Variants in DMD observed in about 807,000 individuals in gnomAD.
The protein encoded by DMD is mutant dystrophin.
In DMD, 63 loss-of-function variants were observed where a neutral mutation model predicts 330.1. The observed-to-expected ratio is 0.19, with a 90% confidence interval of 0.16 to 0.24. The LOEUF (loss-of-function observed/expected upper bound fraction) is 0.24. Ranked by LOEUF, DMD falls within the 10% of genes least tolerant of loss-of-function variation. The probability of loss-of-function intolerance (pLI) is 1.00; values close to 1 mark genes in which losing one functional copy is unlikely to be tolerated. For synonymous variants in DMD, 1,223 were observed against 959.8 expected (o/e 1.27, Z -5.07); for missense variants, 3,344 against 2,684.1 (o/e 1.25, Z -5.43).
At chrX:32,635,734 T>TA (rs2059051456) in intron 11 of DMD, among the ~76,000 whole-genome samples, 1 of 111,880 alleles carries the variant, frequency 8.9e-6, no homozygotes, top group South Asian at 3.7e-4. Context: ...TTATAACGTT[T>TA]ATCAAAGTTC....
chrX:31,583,661 G>A (rs141056784), intron 55 of DMD, among the ~76,000 whole-genome samples: 2,479 of 109,848 alleles, frequency 0.023, 56 homozygotes, highest in African/African-American at 0.074. Flanking sequence ...TTTAAGTTCC[G>A]TGGTACATGT....
Position 32,645,233 on chromosome X carries a change from A to T in DMD, c.961-81T>A, listed in dbSNP as rs1464510888. The T allele has an allele frequency of 1.7e-5, 17 of 1,017,325 alleles. No individual in the cohort carries two copies. The South Asian group carries it at 2.7e-4, about 16-fold the overall frequency. The allele number at this position is 1,017,325 out of a possible 1,213,427, so 83.8% of individuals were successfully genotyped here. ...AGTACATTAAATGATGAATCGAATG[A>T]AATATTTAAAATGCTAGGACTGTCC... is the stretch of plus-strand genomic sequence containing the variant. On this transcript the variant is annotated intron_variant, in intron 9 of 78. Transcript: ENST00000357033.
intron 51 of DMD, among the ~76,000 whole-genome samples, chrX:31,739,426 CAAT>C (rs1236146876): frequency 2.7e-5 from 3 of 111,540 alleles, no homozygotes; most frequent in South Asian, 3.7e-4. Flanking sequence ...ACTTAAAAAA[CAAT>C]AAGACAGTCA....
At chrX:31,962,442 T>G (rs1175168020) in intron 45 of DMD, among the ~76,000 whole-genome samples, 1 of 111,973 alleles carries the variant, frequency 8.9e-6, no homozygotes, top group African/African-American at 3.2e-5. Flanking sequence ...CTTGGAAATC[T>G]TATTAAAAAT....
intron 1 of DMD, among the ~76,000 whole-genome samples, chrX:33,204,344 T>C (rs2051446855): frequency 8.9e-6 from 1 of 111,930 alleles, no homozygotes; most frequent in African/African-American, 3.2e-5. Flanking sequence ...GCTGTACTTG[T>C]TTTAGATCTT....
At chrX:31,550,688 G>T (rs1369323727) in intron 55 of DMD, among the ~76,000 whole-genome samples, 1 of 111,443 alleles carries the variant, frequency 9.0e-6, no homozygotes, top group African/African-American at 3.3e-5. Context: ...AGTATAGCAT[G>T]GTTTAATATT....
chrX:31,570,825 T>C (rs913418909), intron 55 of DMD, among the ~76,000 whole-genome samples: 4 of 111,893 alleles, frequency 3.6e-5, no homozygotes, highest in Non-Finnish European at 7.5e-5. Flanking sequence ...GAGCTGACAG[T>C]ATATGTGTCA....
At chrX:32,430,924 G>T (rs1450229627) in intron 29 of DMD, among the ~76,000 whole-genome samples, 6 of 111,685 alleles carry the variant, frequency 5.4e-5, no homozygotes, top group Admixed American at 1.9e-4. Flanking sequence ...ATATTTCATT[G>T]TATGTATATA....
chrX:32,470,925 C>T lies in DMD; in HGVS notation c.2949+1239G>A, dbSNP rs770384372. Among the ~76,000 whole-genome samples, 42 of 111,757 alleles carry T rather than the reference C, an allele frequency of 3.8e-4. 1 individual carries two copies. The highest frequency in any genetic ancestry group is 2.7e-3 in the Admixed American group (28 of 10,440). The stretch of plus-strand genomic sequence containing the variant: ...TCTCAGCTTCTAAATATAACTAATA[C>T]GTTTTCATGTCTTCAGAAATAAAAA... On this transcript the variant is annotated intron_variant, in intron 22 of 78. Coordinates refer to ENST00000357033, the MANE Select transcript of DMD (RefSeq NM_004006.3).
chrX:31,229,483 C>T (rs998660431), intron 63 of DMD, among the ~76,000 whole-genome samples: 1 of 111,704 alleles, frequency 9.0e-6, no homozygotes, highest in Non-Finnish European at 1.9e-5. Context: ...ACCTCATTAA[C>T]TTTATGAGTG....
chrX:32,857,247 C>A (rs1290976480), intron 2 of DMD, among the ~76,000 whole-genome samples: 1 of 111,855 alleles, frequency 8.9e-6, no homozygotes, highest in African/African-American at 3.3e-5. Context: ...TAAAACAAAG[C>A]AACTTTACTA....
chrX:32,478,345 C>A (rs1054498723), intron 21 of DMD, among the ~76,000 whole-genome samples: 5 of 111,696 alleles, frequency 4.5e-5, no homozygotes, highest in Admixed American at 2.9e-4. Context: ...TAATTCCATG[C>A]CAACCAGATC....
At chrX:31,428,372 T>C (rs1043621718) in intron 60 of DMD, among the ~76,000 whole-genome samples, 16 of 111,853 alleles carry the variant, frequency 1.4e-4, no homozygotes, top group African/African-American at 4.9e-4. Context: ...TCCACCATGA[T>C]TGTAAGCTTG....
intron 78 of DMD, among the ~76,000 whole-genome samples, chrX:31,124,148 C>A (rs1188851112): frequency 8.9e-6 from 1 of 111,950 alleles, no homozygotes. Context: ...GGCCTTTAAC[C>A]GGTTTACACT....
At chrX:33,235,528 A>C (rs959774685) in intron 1 of DMD, among the ~76,000 whole-genome samples, 6 of 112,288 alleles carry the variant, frequency 5.3e-5, no homozygotes, top group Non-Finnish European at 1.1e-4. Flanking sequence ...TCCTACACAC[A>C]ACAATGGTCT....
At chrX:31,915,814 GA>G (rs2094602522) in intron 47 of DMD, among the ~76,000 whole-genome samples, 1 of 111,648 alleles carries the variant, frequency 9.0e-6, no homozygotes, top group Non-Finnish European at 1.9e-5. Context: ...CATCTTAACT[GA>G]ATACCTTACT....
intron 60 of DMD, among the ~76,000 whole-genome samples, chrX:31,350,614 TGTGTGTGTGTGTGTGTGTGAGAGA>T (rs1056599257): frequency 6.3e-5 from 3 of 47,519 alleles, no homozygotes; most frequent in Admixed American, 3.9e-4. Flanking sequence ...TGTGTGTGTG[TGTGTGTGTGTGTGTGTGTGAGAGA>T]GAGAGAGAGA....
intron 62 of DMD, among the ~76,000 whole-genome samples, chrX:31,267,553 C>T (rs1449701240): frequency 8.9e-6 from 1 of 112,193 alleles, no homozygotes; most frequent in Non-Finnish European, 1.9e-5. Context: ...CCGGCCCAGA[C>T]CTATTGAACC....
intron 11 of DMD, among the ~76,000 whole-genome samples, chrX:32,629,136 C>T (rs931935699): frequency 9.0e-6 from 1 of 111,609 alleles, no homozygotes; most frequent in African/African-American, 3.3e-5. Flanking sequence ...CCGGCTATTA[C>T]TGTTTTGGGG....
Sources: gnomAD v4.1 joint callset for allele counts (sites outside exome capture counted in the v4.1 genomes callset) on GRCh38, gnomAD v4.1.1 for gene constraint, MANE v1.5 for transcripts, NCBI Gene and HGNC (gene_info 2026-07-23, HGNC 2026-07-21) for gene names.